CLEC2A: variants seen among roughly 807,000 people sequenced by gnomAD.
The protein encoded by CLEC2A is keratinocyte-associated C-type lectin.
Under a neutral mutation model 18.6 loss-of-function variants are expected in CLEC2A, and 19 were observed. That is an observed-to-expected ratio of 1.02 (90% confidence interval 0.71 to 1.50). The LOEUF (loss-of-function observed/expected upper bound fraction) is 1.50, where lower values mean the gene tolerates loss of function less well. Ranked by LOEUF, CLEC2A falls within the 40% of genes most tolerant of loss-of-function variation. The pLI, the probability that CLEC2A is intolerant of heterozygous loss-of-function variation, is 0.00. For synonymous variants in CLEC2A, 74 were observed against 64.0 expected, an observed-to-expected ratio of 1.16 and a Z score of -0.75; for missense variants, 190 against 207.9, an observed-to-expected ratio of 0.91 and a Z score of 0.53.
At chr12:9,931,880 A>T (rs751862059) in intron 1 of CLEC2A, among the ~76,000 whole-genome samples, 12 of 152,218 alleles carry the variant, frequency 7.9e-5, no homozygotes, top group Non-Finnish European at 1.3e-4. Context: ...GCCTTAGCTG[A>T]ATCTTAAAAT....
chr12:9,907,192 C>T (rs1159967644), intron 4 of CLEC2A, among the ~76,000 whole-genome samples: 1 of 152,098 alleles, frequency 6.6e-6, no homozygotes, highest in South Asian at 2.1e-4. Flanking sequence ...GGTAAGTACC[C>T]CTAAAGCCAC....
chr12:9,885,255 C>T, the CLEC2A span, among the ~76,000 whole-genome samples: 1 of 151,550 alleles, frequency 6.6e-6, no homozygotes, highest in East Asian at 1.9e-4. Context: ...ACTTTATTAT[C>T]TTATAATTAA....
chr12:9,919,996 C>T (rs1309230380), intron 3 of CLEC2A, among the ~76,000 whole-genome samples: 1 of 152,194 alleles, frequency 6.6e-6, no homozygotes, highest in Non-Finnish European at 1.5e-5. Context: ...ACCACTTCCA[C>T]CCCTGGTCAA....
chr12:9,911,090 A>G (rs911389678), downstream of CLEC2A, among the ~76,000 whole-genome samples: 4 of 152,154 alleles, frequency 2.6e-5, no homozygotes, highest in African/African-American at 7.2e-5. Context: ...GTAGTTCCCC[A>G]TTGGCTGGAG....
the CLEC2A span, among the ~76,000 whole-genome samples, chr12:9,881,110 C>T: frequency 4.6e-5 from 7 of 152,202 alleles, no homozygotes; most frequent in Admixed American, 4.6e-4. Flanking sequence ...ATCTAACCAT[C>T]GTTATTTGGA....
At chr12:9,921,739 A>G (rs904773113) in intron 3 of CLEC2A, among the ~76,000 whole-genome samples, 2 of 152,246 alleles carry the variant, frequency 1.3e-5, no homozygotes, top group Admixed American at 6.5e-5. Flanking sequence ...ACCATAAAGG[A>G]AGCTAGAGAA....
intron 4 of CLEC2A, among the ~76,000 whole-genome samples, chr12:9,903,069 A>G (rs1466745695): frequency 6.6e-6 from 1 of 152,208 alleles, no homozygotes; most frequent in Non-Finnish European, 1.5e-5. Flanking sequence ...TGTTTGCAGG[A>G]TAGAAGCAAG....
chr12:9,915,044 T>A (rs1242666904), intron 4 of CLEC2A, among the ~76,000 whole-genome samples: 2 of 151,884 alleles, frequency 1.3e-5, no homozygotes, highest in African/African-American at 2.4e-5. Context: ...GCAAAGGATA[T>A]GAACAGACAA....
chr12:9,879,274 T>G, the CLEC2A span, among the ~76,000 whole-genome samples: 3 of 152,182 alleles, frequency 2.0e-5, no homozygotes, highest in Non-Finnish European at 2.9e-5. Flanking sequence ...AGAGAGGAGA[T>G]TCATTGTGTC....
At chr12:9,902,057 T>C (rs1591783778) in intron 4 of CLEC2A, among the ~76,000 whole-genome samples, 1 of 152,316 alleles carries the variant, frequency 6.6e-6, no homozygotes, top group South Asian at 2.1e-4. Context: ...GGCCAAAGTT[T>C]ACATTTCCAT....
intron 1 of CLEC2A, among the ~76,000 whole-genome samples, chr12:9,930,647 C>A (rs1863359451): frequency 6.6e-6 from 1 of 151,768 alleles, no homozygotes; most frequent in African/African-American, 2.4e-5. Context: ...TGTTTGTACA[C>A]TTTTGAAGTT....
intron 1 of CLEC2A, among the ~76,000 whole-genome samples, chr12:9,930,728 G>A (rs1003899762): frequency 5.3e-5 from 8 of 151,680 alleles, no homozygotes; most frequent in South Asian, 2.1e-4. Context: ...TTTCCTATCC[G>A]CTATTCTTTT....
Position 9,920,689 on chromosome 12 carries a change from G to A in CLEC2A, c.306+1377C>T, listed in dbSNP as rs148121248. Among the ~76,000 whole-genome samples the A allele has an allele frequency of 4.7e-4, 72 of 152,196 alleles. 1 individual carries two copies. In the East Asian group the frequency reaches 0.013, roughly 27 times the overall value. On this transcript the variant is annotated intron_variant, in intron 3 of 4. Coordinates refer to ENST00000455827, the MANE Select transcript of CLEC2A (RefSeq NM_001130711.2). ...GAGCTGCGCACTCCAGCTACTTCTAGTCGGCCATCTTGGCCACTCTCCAAC... is the reference window on the plus strand; with the variant it reads ...GAGCTGCGCACTCCAGCTACTTCTAATCGGCCATCTTGGCCACTCTCCAAC...
intron 4 of CLEC2A, among the ~76,000 whole-genome samples, chr12:9,899,424 T>A (rs1862795660): frequency 6.6e-6 from 1 of 151,800 alleles, no homozygotes; most frequent in Non-Finnish European, 1.5e-5. Context: ...TTTAAAGGAG[T>A]CCCAGGGGTC....
chr12:9,884,898 G>T, the CLEC2A span: 2 of 672,068 alleles, frequency 3.0e-6, no homozygotes, highest in Admixed American at 3.3e-5. Flanking sequence ...TTTATAAAGT[G>T]AATAATCACA....
At chr12:9,916,361 G>A (rs1863071106) in intron 4 of CLEC2A, among the ~76,000 whole-genome samples, 1 of 152,058 alleles carries the variant, frequency 6.6e-6, no homozygotes, top group Admixed American at 6.6e-5. Flanking sequence ...AGAAGTACAA[G>A]TAATACGTGA....
At chr12:9,925,079 T>C (rs2137051506) in intron 2 of CLEC2A, among the ~76,000 whole-genome samples, 1 of 152,354 alleles carries the variant, frequency 6.6e-6, no homozygotes, top group East Asian at 1.9e-4. Flanking sequence ...ATTTTCATAA[T>C]TTATTACCCT....
chr12:9,912,817 G>T (rs1475715712), downstream of CLEC2A, among the ~76,000 whole-genome samples: 1 of 152,154 alleles, frequency 6.6e-6, no homozygotes, highest in Non-Finnish European at 1.5e-5. Flanking sequence ...TCAGTGGGCA[G>T]ACTGGTGGGA....
At chr12:9,878,866 G>A in the CLEC2A span, among the ~76,000 whole-genome samples, 1 of 152,140 alleles carries the variant, frequency 6.6e-6, no homozygotes, top group African/African-American at 2.4e-5. Context: ...CTCTCTTCAA[G>A]GTCAGTTTTG....
Sources: gnomAD v4.1 joint callset for allele counts (sites outside exome capture counted in the v4.1 genomes callset) on GRCh38, gnomAD v4.1.1 for gene constraint, MANE v1.5 for transcripts, NCBI Gene and HGNC (gene_info 2026-07-23, HGNC 2026-07-21) for gene names.